Variants in ITM2C observed in about 807,000 individuals in gnomAD.
The protein encoded by ITM2C is BRICHOS domain containing 2C.
ITM2C carries 20 observed loss-of-function variants against 30.0 expected under a neutral mutation model. The ratio of observed to expected loss-of-function variants is 0.67; its 90% CI spans 0.47 to 0.97. The LOEUF is 0.97. Among genes scored for constraint, ITM2C ranks in the 50% least tolerant of loss-of-function variants. The probability of loss-of-function intolerance (pLI) is 0.00; values close to 1 mark genes in which losing one functional copy is unlikely to be tolerated. For missense variants in ITM2C, 366 were observed against 371.9 expected (o/e 0.98, Z 0.13); for synonymous variants, 167 against 156.4 (o/e 1.07, Z -0.51).
At chr2:230,866,418 G>C (rs1697030560) in intron 1 of ITM2C, among the ~76,000 whole-genome samples, 1 of 151,978 alleles carries the variant, frequency 6.6e-6, no homozygotes, top group Non-Finnish European at 1.5e-5. Flanking sequence ...GGGGGCGCCG[G>C]AGAGGGCCGT....
intron 2 of ITM2C, among the ~76,000 whole-genome samples, chr2:230,875,163 C>T (rs1697260289): frequency 6.6e-6 from 1 of 152,228 alleles, no homozygotes; most frequent in African/African-American, 2.4e-5. Flanking sequence ...CCTGCCAACC[C>T]CAGGCTCTTT....
chr2:230,875,897 G>A (rs1373801487), intron 3 of ITM2C, 89 bp downstream of exon 3: 8 of 1,092,384 alleles, frequency 7.3e-6, no homozygotes, highest in Admixed American at 2.2e-5. Flanking sequence ...GAGACTCCTC[G>A]GAGTACAGCA....
Position 230,877,648 on chromosome 2 carries a change from C to A in ITM2C, c.712+98C>A. On this transcript the variant is annotated intron_variant, in intron 5 of 5. Coordinates refer to ENST00000326427, the MANE Select transcript of ITM2C (RefSeq NM_030926.6). This position sits in a 1 kb window ranked among gnomAD's most constrained non-coding sequence, Gnocchi z 4.8. ...AGCTGTCAGAGAGCTCAGATAGCAG[C>A]AGCAATAACAGCTAGCATTAGCAGA... 7.8e-7 allele frequency: 1 copy of A among 1,281,440 alleles called. No individual in the cohort carries two copies. Among genetic ancestry groups the A allele is most frequent in the Non-Finnish European group, 1.1e-6 (1 of 903,496 alleles). 79.4% of individuals were successfully genotyped at this position (1,281,440 alleles called of 1,614,324 possible).
intron 1 of ITM2C, among the ~76,000 whole-genome samples, chr2:230,869,640 T>TC (rs1197876322): frequency 6.6e-6 from 1 of 152,174 alleles, no homozygotes; most frequent in Non-Finnish European, 1.5e-5. Flanking sequence ...TCTGCAATCA[T>TC]CGTTAAATCG....
intron 3 of ITM2C, among the ~76,000 whole-genome samples, chr2:230,876,016 C>G (rs1315854053): frequency 6.6e-6 from 1 of 152,244 alleles, no homozygotes; most frequent in Non-Finnish European, 1.5e-5. Context: ...TCTCCTCAGC[C>G]TCCTGCCAGC....
At chr2:230,867,998 C>T (rs916884612) in intron 1 of ITM2C, among the ~76,000 whole-genome samples, 3 of 43,398 alleles carry the variant, frequency 6.9e-5, no homozygotes, top group Admixed American at 7.7e-4. Context: ...GAGGAGCACT[C>T]GGTGAACAGA....
Position 230,875,590 on chromosome 2 carries a change from A to ACTGT in ITM2C, c.262-19_262-16dup, listed in dbSNP as rs761343693. The ACTGT allele has an allele frequency of 1.9e-6, 3 of 1,563,340 alleles. No homozygotes were observed. The African/African-American group carries it at 4.1e-5, about 21-fold the overall frequency. On this transcript the variant is annotated intron_variant, in intron 2 of 5. Transcript: ENST00000326427. ...AGTGCGTGTATGACCAGCCTCTCTG[A>ACTGT]CTGTCTGTCTGTCTCTCCGCCTTGC...
At chr2:230,875,911 G>T in intron 3 of ITM2C, 103 bp downstream of exon 3, 1 of 971,202 alleles carries the variant, frequency 1.0e-6, no homozygotes, top group Non-Finnish European at 1.5e-6. Context: ...TACAGCAGGT[G>T]TCTACGGTTA....
In ITM2C at chr2:230,879,226, C is replaced by T. The variant is rs1373271521; in HGVS notation, c.*1127C>T. 1 of 152,580 alleles carries T rather than the reference C, an allele frequency of 6.6e-6. No homozygotes were observed. Among genetic ancestry groups the T allele is most frequent in the Non-Finnish European group, 1.5e-5 (1 of 68,040 alleles). The allele number at this position is 152,580 out of a possible 1,614,324, so 9.5% of individuals were successfully genotyped here. ...TCTCTTTTCAGAAGTGTCTATAGAA[C>T]AATAAAAATCTTTTACTTCTGACCT... is the stretch of plus-strand genomic sequence containing the variant. On this transcript the variant is annotated 3_prime_UTR_variant, in exon 6 of 6. Coordinates refer to ENST00000326427, the MANE Select transcript of ITM2C (RefSeq NM_030926.6).
chr2:230,868,608 G>A (rs182972431), intron 1 of ITM2C, among the ~76,000 whole-genome samples: 78 of 152,296 alleles, frequency 5.1e-4, no homozygotes, highest in African/African-American at 1.5e-3. Flanking sequence ...CTTGGCATTT[G>A]CCTTTGATTA....
chr2:230,872,892 C>T (rs2125020252), intron 1 of ITM2C, among the ~76,000 whole-genome samples: 1 of 152,258 alleles, frequency 6.6e-6, no homozygotes, highest in South Asian at 2.1e-4. Flanking sequence ...ACCCTCTGCA[C>T]CTTGGTTTTA....
intron 1 of ITM2C, among the ~76,000 whole-genome samples, chr2:230,868,221 G>A (rs1232442615): frequency 6.6e-6 from 1 of 152,128 alleles, no homozygotes; most frequent in East Asian, 1.9e-4. Flanking sequence ...AGGGAGGGAT[G>A]GGGGTGGGGG....
At chr2:230,873,673 G>A in intron 2 of ITM2C, 116 bp downstream of exon 2, 2 of 1,060,600 alleles carry the variant, frequency 1.9e-6, no homozygotes, top group Non-Finnish European at 2.6e-6. Flanking sequence ...CCTCAGGTGG[G>A]AGCGAGTGCC....
intron 1 of ITM2C, among the ~76,000 whole-genome samples, chr2:230,870,804 C>T (rs1697146535): frequency 6.6e-6 from 1 of 152,188 alleles, no homozygotes; most frequent in South Asian, 2.1e-4. Flanking sequence ...GCTAGCAGGC[C>T]TCACCTTGTC....
In ITM2C at chr2:230,877,006, C is replaced by G. The variant is rs1697319267; in HGVS notation, c.561+39C>G. 7.6e-7 allele frequency: 1 copy of G among 1,323,648 alleles called. No homozygotes were observed. The highest frequency in any genetic ancestry group is 1.1e-6 in the Non-Finnish European group (1 of 917,216). 82.0% of individuals were successfully genotyped at this position (1,323,648 alleles called of 1,614,324 possible). On this transcript the variant is annotated intron_variant, in intron 4 of 5. Coordinates refer to ENST00000326427, the MANE Select transcript of ITM2C (RefSeq NM_030926.6). This position sits in a 1 kb window ranked among gnomAD's most constrained non-coding sequence, Gnocchi z 4.8. Reference sequence around the variant, plus strand: ...TGGGGGGATGTCTGCAGCATCCTGTCCCTCCCTTGCCCCCTGTCTCATGGA... The same window carrying G: ...TGGGGGGATGTCTGCAGCATCCTGTGCCTCCCTTGCCCCCTGTCTCATGGA...
intron 1 of ITM2C, among the ~76,000 whole-genome samples, chr2:230,870,322 C>A (rs548591187): frequency 3.3e-5 from 5 of 152,234 alleles, no homozygotes; most frequent in African/African-American, 1.2e-4. Context: ...GAAATGCCTT[C>A]GCCTCCAAGC....
At chr2:230,874,669 C>T (rs889064182) in intron 2 of ITM2C, among the ~76,000 whole-genome samples, 1 of 152,188 alleles carries the variant, frequency 6.6e-6, no homozygotes, top group Non-Finnish European at 1.5e-5. Context: ...CCCACAGGAG[C>T]CCCCCATGCT....
intron 3 of ITM2C, among the ~76,000 whole-genome samples, chr2:230,876,595 C>T (rs568636369): frequency 6.6e-6 from 1 of 152,326 alleles, no homozygotes; most frequent in South Asian, 2.1e-4. Context: ...CATTCTCCCG[C>T]CTCAGCCCCC....
At chr2:230,874,917 A>G (rs1697252842) in intron 2 of ITM2C, among the ~76,000 whole-genome samples, 1 of 152,148 alleles carries the variant, frequency 6.6e-6, no homozygotes, top group African/African-American at 2.4e-5. Context: ...AGTGTCTGTC[A>G]AGGTTTCTCC....
Sources: gnomAD v4.1 joint callset for allele counts (sites outside exome capture counted in the v4.1 genomes callset) on GRCh38, gnomAD v4.1.1 for gene constraint, Gnocchi (gnomAD v3.1) non-coding constraint, MANE v1.5 for transcripts, NCBI Gene and HGNC (gene_info 2026-07-23, HGNC 2026-07-21) for gene names.